KALRN: variants seen among roughly 807,000 people sequenced by gnomAD.
KALRN encodes the protein kalirin RhoGEF kinase.
Under a neutral mutation model 353.7 loss-of-function variants are expected in KALRN, and 70 were observed. The observed-to-expected ratio is 0.20, with a 90% confidence interval of 0.16 to 0.24. The LOEUF (loss-of-function observed/expected upper bound fraction) is 0.24. Ranked by LOEUF, KALRN falls within the 10% of genes least tolerant of loss-of-function variation. The probability of loss-of-function intolerance (pLI) is 1.00; values close to 1 mark genes in which losing one functional copy is unlikely to be tolerated. For missense variants in KALRN, 2,791 were observed against 3,756.7 expected (o/e 0.74, Z 6.72); for synonymous variants, 1,391 against 1,434.8 (o/e 0.97, Z 0.69).
chr3:124,271,339 G>A (rs1489759788), intron 5 of KALRN, among the ~76,000 whole-genome samples: 1 of 152,128 alleles, frequency 6.6e-6, no homozygotes, highest in African/African-American at 2.4e-5. Flanking sequence ...GACATGGGAA[G>A]CCTGCATAGG....
chr3:124,183,076 A>T (rs2073818842), intron 1 of KALRN, among the ~76,000 whole-genome samples: 1 of 152,162 alleles, frequency 6.6e-6, no homozygotes, highest in African/African-American at 2.4e-5. Context: ...GGCTTTCAAG[A>T]GGTGATTAAG....
intron 3 of KALRN, among the ~76,000 whole-genome samples, chr3:124,259,245 G>A (rs2148839499): frequency 6.6e-6 from 1 of 152,356 alleles, no homozygotes; most frequent in Admixed American, 6.5e-5. Flanking sequence ...GTACCAGACA[G>A]GCACTTGCTA....
Position 124,491,385 on chromosome 3 carries a change from T to A in KALRN, c.4650T>A (p.Ser1550=). The A allele has an allele frequency of 6.2e-7, 1 of 1,610,774 alleles. No individual in the cohort carries two copies. Among genetic ancestry groups the A allele is most frequent in the South Asian group, 1.1e-5 (1 of 90,478 alleles). The change falls in exon 31 of 60, where the codon TCT becomes TCA. Residue 1550 remains serine, a synonymous_variant. Coordinates refer to ENST00000682506, the MANE Select transcript of KALRN (RefSeq NM_001388419.1). ...EGDPCKFALW[S]GRTPSSDNKT... ...ATCCCTGCAAATTCGCCTTGTGGTC[T>A]GGGCGCACCCCATCCTCAGACAATA...
intron 3 of KALRN, among the ~76,000 whole-genome samples, chr3:124,254,084 A>G (rs2071558763): frequency 6.6e-6 from 1 of 152,260 alleles, no homozygotes; most frequent in Non-Finnish European, 1.5e-5. Context: ...CACAGTGGAA[A>G]CCATGAGGAG....
chr3:124,694,232 A>G, intron 52 of KALRN, 100 bp from the exon 53 acceptor site: 3 of 1,151,746 alleles, frequency 2.6e-6, no homozygotes, highest in Non-Finnish European at 3.8e-6. Flanking sequence ...GAATCATTAC[A>G]TGACATGGGT....
intron 13 of KALRN, among the ~76,000 whole-genome samples, chr3:124,408,238 G>A (rs2091790156): frequency 6.6e-6 from 1 of 152,152 alleles, no homozygotes; most frequent in Non-Finnish European, 1.5e-5. Context: ...GAAGAAAACT[G>A]AATTATGGGT....
intron 57 of KALRN, 27 bp downstream of exon 57, chr3:124,702,143 A>G (rs1230295446): frequency 1.4e-6 from 2 of 1,405,664 alleles, no homozygotes; most frequent in Admixed American, 1.7e-5. Context: ...ATATTCCTTC[A>G]TTCATGAACA....
chr3:124,562,691 C>A, intron 33 of KALRN, 152 bp from the exon 34 acceptor site: 1 of 616,206 alleles, frequency 1.6e-6, no homozygotes, highest in Non-Finnish European at 2.4e-6. Context: ...TCTCTCTGCC[C>A]TAAACACCAT....
chr3:124,643,395 GTATTGTCCCTAC>G (rs2082328237), intron 37 of KALRN, among the ~76,000 whole-genome samples: 1 of 152,104 alleles, frequency 6.6e-6, no homozygotes, highest in South Asian at 2.1e-4. Flanking sequence ...TTTCAACTGT[GTATTGTCCCTAC>G]ACCCCCCAAC....
intron 33 of KALRN, among the ~76,000 whole-genome samples, chr3:124,497,887 A>G (rs2064044230): frequency 6.6e-6 from 1 of 152,184 alleles, no homozygotes; most frequent in Admixed American, 6.5e-5. Context: ...TGACTTTGAC[A>G]CAGACCCCTA....
At chr3:124,291,655 G>C (rs1466396906) in intron 5 of KALRN, among the ~76,000 whole-genome samples, 1 of 152,098 alleles carries the variant, frequency 6.6e-6, no homozygotes, top group African/African-American at 2.4e-5. Context: ...AATGAGTTAG[G>C]GGATCCGTAG....
At chr3:124,339,228 G>C (rs1469538024) in intron 9 of KALRN, among the ~76,000 whole-genome samples, 2 of 152,152 alleles carry the variant, frequency 1.3e-5, no homozygotes, top group Non-Finnish European at 2.9e-5. Context: ...TGCTGGGAGG[G>C]GACGGGTGCA....
chr3:124,562,761 C>T (rs995045654), intron 33 of KALRN, 82 bp from the exon 34 acceptor site: 7 of 1,206,380 alleles, frequency 5.8e-6, no homozygotes, highest in African/African-American at 1.6e-5. Context: ...TCCTTCGTCC[C>T]CTCTCACCAA....
At chr3:124,563,572 TC>T (rs2072337986) in intron 34 of KALRN, among the ~76,000 whole-genome samples, 1 of 152,158 alleles carries the variant, frequency 6.6e-6, no homozygotes, top group African/African-American at 2.4e-5. Flanking sequence ...ATCTGATCCT[TC>T]CCTCAGCCCA....
Position 124,411,599 on chromosome 3 carries a change from G to A in KALRN, c.2347-1871G>A, listed in dbSNP as rs147300125. 8.4e-4 allele frequency among the ~76,000 whole-genome samples: 127 copies of A among 151,710 alleles called. 2 individuals carry two copies. The highest frequency in any genetic ancestry group is 3.4e-3 in the Middle Eastern group (1 of 292). On this transcript the variant is annotated intron_variant, in intron 13 of 59. Coordinates refer to ENST00000682506, the MANE Select transcript of KALRN (RefSeq NM_001388419.1). Reference sequence around the variant, plus strand: ...AAGGACAACAGGTGCATGCCACCATGCCTAGCTAATGTATTATTATTTGCT... The same window carrying A: ...AAGGACAACAGGTGCATGCCACCATACCTAGCTAATGTATTATTATTTGCT...
intron 1 of KALRN, chr3:124,152,155 G>C: frequency 7.1e-7 from 1 of 1,414,658 alleles, no homozygotes; most frequent in Non-Finnish European, 9.9e-7. Flanking sequence ...TGCAGATGAT[G>C]CAAGAGATCG....
intron 6 of KALRN, among the ~76,000 whole-genome samples, chr3:124,316,135 T>G (rs1401405931): frequency 6.6e-6 from 1 of 152,188 alleles, no homozygotes; most frequent in Non-Finnish European, 1.5e-5. Context: ...GACTGTCTTC[T>G]GCAAGTCCTT....
chr3:124,104,139 G>A (rs555770328), intron 1 of KALRN, among the ~76,000 whole-genome samples: 55 of 152,252 alleles, frequency 3.6e-4, no homozygotes, highest in Admixed American at 1.7e-3. Flanking sequence ...GATGCCGCAG[G>A]TACTCTTTCA....
intron 1 of KALRN, among the ~76,000 whole-genome samples, chr3:124,193,871 C>A (rs984612683): frequency 2.6e-5 from 4 of 152,116 alleles, no homozygotes; most frequent in African/African-American, 9.7e-5. Context: ...TTATCATAAG[C>A]ATTTCCCTAT....
Sources: allele counts gnomAD v4.1 joint callset (sites outside exome capture counted in the v4.1 genomes callset), GRCh38; gene constraint gnomAD v4.1.1; transcripts MANE v1.5; gene names NCBI Gene and HGNC (gene_info 2026-07-23, HGNC 2026-07-21).